The following IAPP variants were observed in gnomAD, a reference collection of about 807,000 sequenced individuals.
IAPP encodes the protein Islet amyloid polypeptide (diabetes-associated peptide; amylin).
Under a neutral mutation model 2.9 loss-of-function variants are expected in IAPP, and 4 were observed. That is an observed-to-expected ratio of 1.39 (90% CI 0.69 to 3.19). The LOEUF is 3.19. IAPP is among the 30% of genes most tolerant of loss of function. The pLI is 0.01. For synonymous variants in IAPP, 40 were observed against 42.1 expected (o/e 0.95, Z 0.19); for missense variants, 114 against 105.3 (o/e 1.08, Z -0.36).
At chr12:21,355,944 G>C (rs1192119270) in intron 1 of IAPP, among the ~76,000 whole-genome samples, 1 of 152,064 alleles carries the variant, frequency 6.6e-6, no homozygotes, top group Non-Finnish European at 1.5e-5. Flanking sequence ...TATTAAAATA[G>C]TATTGAATGA....
chr12:21,366,544 TAATAA>T (rs897989362), intron 1 of IAPP, among the ~76,000 whole-genome samples: 8 of 151,750 alleles, frequency 5.3e-5, no homozygotes, highest in African/African-American at 1.9e-4. Context: ...TTAAGTAAAA[TAATAA>T]AATAAAAATA....
chr12:21,358,182 A>T (rs1938524333), intron 1 of IAPP, among the ~76,000 whole-genome samples: 1 of 152,228 alleles, frequency 6.6e-6, no homozygotes, highest in East Asian at 1.9e-4. Context: ...ATAATTTTTT[A>T]AAAGACAACT....
In IAPP at chr12:21,363,208, G is replaced by A. The variant is rs536831943; in HGVS notation, c.-16+8195G>A. Reference sequence around the variant, plus strand: ...ATAACAAACTGTCTCTCAGACCACAGTGCAATCAAACTAGAACTCAGGATT... The same window carrying A: ...ATAACAAACTGTCTCTCAGACCACAATGCAATCAAACTAGAACTCAGGATT... On this transcript the variant is annotated intron_variant, in intron 1 of 2. Transcript: ENST00000539393. 2.7e-4 allele frequency among the ~76,000 whole-genome samples: 41 copies of A among 152,268 alleles called. No homozygotes were observed. In the East Asian group the frequency reaches 7.3e-3, roughly 27 times the overall value.
intron 2 of IAPP, 75 bp downstream of exon 2, chr12:21,373,506 T>A: frequency 1.0e-6 from 1 of 962,708 alleles, no homozygotes; most frequent in Non-Finnish European, 1.7e-6. Context: ...TACTGTCAAA[T>A]AACTACAGCC....
At chr12:21,372,232 T>G (rs1939851523), upstream of IAPP, among the ~76,000 whole-genome samples, 1 of 152,190 alleles carries the variant, frequency 6.6e-6, no homozygotes, top group South Asian at 2.1e-4. Context: ...CAAAAACTAC[T>G]TGACTACATA....
intron 1 of IAPP, among the ~76,000 whole-genome samples, chr12:21,363,565 T>C (rs977708360): frequency 1.3e-5 from 2 of 151,960 alleles, no homozygotes; most frequent in East Asian, 1.9e-4. Flanking sequence ...CTGAAGTAGA[T>C]AGAGACACAA....
At chr12:21,365,934 CT>C (rs1265737029) in intron 1 of IAPP, among the ~76,000 whole-genome samples, 1 of 152,150 alleles carries the variant, frequency 6.6e-6, no homozygotes, top group African/African-American at 2.4e-5. Context: ...AATAGGAACA[CT>C]TTTACACTGT....
chr12:21,377,175 A>G (rs1940260222), intron 2 of IAPP, among the ~76,000 whole-genome samples: 1 of 152,186 alleles, frequency 6.6e-6, no homozygotes, highest in African/African-American at 2.4e-5. Context: ...TACCATTGAC[A>G]TAAAAAGTCT....
At chr12:21,356,855 A>C (rs945802700) in intron 1 of IAPP, among the ~76,000 whole-genome samples, 15 of 152,226 alleles carry the variant, frequency 9.9e-5, no homozygotes, top group African/African-American at 3.6e-4. Flanking sequence ...GGAGATCTAT[A>C]GAGTAGTGAG....
chr12:21,357,826 A>G (rs187004728), intron 1 of IAPP, among the ~76,000 whole-genome samples: 1 of 152,354 alleles, frequency 6.6e-6, no homozygotes, highest in East Asian at 1.9e-4. Context: ...TTCTTTTAAA[A>G]TATGAAAACA....
rs1313890860 is a variant in IAPP at position 21,379,812 on chromosome 12, A to T, written c.*1386A>T. 4.6e-5 allele frequency: 7 copies of T among 152,214 alleles called. No individual in the cohort carries two copies. Among genetic ancestry groups the T allele is most frequent in the Non-Finnish European group, 1.5e-5 (1 of 68,034 alleles). 9.4% of individuals were successfully genotyped at this position (152,214 alleles called of 1,614,324 possible). A position where few individuals can be genotyped will look rare whatever the true frequency, so the allele number is the denominator to read the frequency against. On this transcript the variant is annotated 3_prime_UTR_variant, in exon 3 of 3. Transcript: ENST00000240652. ...ACTCATTGACTTACATTTCTAAGTT[A>T]AAATTTCCCTTTATGAAGTGTGCCT...
At chr12:21,367,668 C>A (rs1939492424) in intron 1 of IAPP, among the ~76,000 whole-genome samples, 1 of 151,774 alleles carries the variant, frequency 6.6e-6, no homozygotes, top group Non-Finnish European at 1.5e-5. Flanking sequence ...TTACTCAGTT[C>A]AATAGTAATC....
chr12:21,358,067 T>C (rs1938515919), intron 1 of IAPP, among the ~76,000 whole-genome samples: 1 of 152,150 alleles, frequency 6.6e-6, no homozygotes, highest in South Asian at 2.1e-4. Flanking sequence ...TACTCACATG[T>C]TTTGAATCTG....
intron 1 of IAPP, among the ~76,000 whole-genome samples, chr12:21,360,112 C>A (rs1450780170): frequency 1.3e-5 from 2 of 151,804 alleles, no homozygotes; most frequent in African/African-American, 4.8e-5. Flanking sequence ...ACAAAACACA[C>A]AGCAGCAGTT....
At chr12:21,362,398 A>G (rs1448606553) in intron 1 of IAPP, among the ~76,000 whole-genome samples, 1 of 152,204 alleles carries the variant, frequency 6.6e-6, no homozygotes, top group African/African-American at 2.4e-5. Flanking sequence ...TCCTTAAGGA[A>G]GCACTAAACA....
At chr12:21,363,621 A>G (rs1939120600) in intron 1 of IAPP, among the ~76,000 whole-genome samples, 1 of 152,192 alleles carries the variant, frequency 6.6e-6, no homozygotes, top group Non-Finnish European at 1.5e-5. Context: ...GGTTTTTGGA[A>G]AAGATGAACA....
chr12:21,363,723 C>T (rs958826407), intron 1 of IAPP, among the ~76,000 whole-genome samples: 6 of 152,112 alleles, frequency 3.9e-5, no homozygotes, highest in Non-Finnish European at 7.4e-5. Context: ...ATATCACCAT[C>T]GATCCTACAG....
chr12:21,374,338 C>G (rs1429752071), intron 2 of IAPP: 2 of 152,180 alleles, frequency 1.3e-5, no homozygotes, highest in African/African-American at 2.4e-5. Flanking sequence ...TAGTTTTGCT[C>G]CATATAGTCT....
intron 1 of IAPP, among the ~76,000 whole-genome samples, chr12:21,356,784 TA>T (rs1938402313): frequency 6.6e-6 from 1 of 152,088 alleles, no homozygotes; most frequent in South Asian, 2.1e-4. Flanking sequence ...TCTAGTAAGG[TA>T]AAAAGTATAA....
Sources: gnomAD v4.1 joint callset for allele counts (sites outside exome capture counted in the v4.1 genomes callset) on GRCh38, gnomAD v4.1.1 for gene constraint, MANE v1.5 for transcripts, NCBI Gene and HGNC (gene_info 2026-07-23, HGNC 2026-07-21) for gene names.